Variants in TMEM232 observed in about 807,000 individuals in gnomAD.
TMEM232 encodes transmembrane protein 232.
In TMEM232, 80 loss-of-function variants were observed where a neutral mutation model predicts 78.8. The observed-to-expected ratio is 1.01, with a 90% CI of 0.85 to 1.22. TMEM232 has a LOEUF of 1.22. Ranked by LOEUF, TMEM232 falls within the 50% of genes most tolerant of loss-of-function variation. TMEM232 has a pLI of 0.00. For synonymous variants in TMEM232, 297 were observed against 254.3 expected, an observed-to-expected ratio of 1.17 and a Z score of -1.60; for missense variants, 881 against 742.2, an observed-to-expected ratio of 1.19 and a Z score of -2.17.
intron 12 of TMEM232, among the ~76,000 whole-genome samples, chr5:110,456,225 T>TA (rs1439584171): frequency 6.6e-6 from 1 of 152,174 alleles, no homozygotes; most frequent in Non-Finnish European, 1.5e-5. Flanking sequence ...GGTTTAGTGA[T>TA]AAAAGGCCAG....
chr5:110,431,347 C>T (rs1757818438), intron 12 of TMEM232, among the ~76,000 whole-genome samples: 1 of 151,482 alleles, frequency 6.6e-6, no homozygotes, highest in South Asian at 2.1e-4. Flanking sequence ...AAAATTTACA[C>T]TCTGGCGTTA....
At chr5:110,495,623 C>T (rs993961269) in intron 12 of TMEM232, among the ~76,000 whole-genome samples, 2 of 151,718 alleles carry the variant, frequency 1.3e-5, no homozygotes, top group African/African-American at 4.8e-5. Context: ...TCCAAAAAAA[C>T]TAGACGAGGT....
At chr5:110,537,906 C>A (rs1031777407) in intron 11 of TMEM232, among the ~76,000 whole-genome samples, 3 of 152,132 alleles carry the variant, frequency 2.0e-5, no homozygotes, top group Non-Finnish European at 4.4e-5. Context: ...CCTGTTGCAC[C>A]CCCTTGGAAA....
At chr5:110,693,181 C>A (rs1486054105) in intron 1 of TMEM232, among the ~76,000 whole-genome samples, 1 of 152,156 alleles carries the variant, frequency 6.6e-6, no homozygotes. Flanking sequence ...GCTGCTGACA[C>A]CCAGGCAAAC....
intron 12 of TMEM232, among the ~76,000 whole-genome samples, chr5:110,490,167 A>AAG (rs781449239): frequency 2.2e-5 from 3 of 135,078 alleles, no homozygotes; most frequent in Non-Finnish European, 4.6e-5. Flanking sequence ...GAAAGAAAGA[A>AAG]AGAAAGAAAG....
intron 11 of TMEM232, among the ~76,000 whole-genome samples, chr5:110,563,413 T>G (rs1431040703): frequency 6.6e-6 from 1 of 151,868 alleles, no homozygotes; most frequent in Non-Finnish European, 1.5e-5. Flanking sequence ...AAATGATAAA[T>G]TTGAGTTGAC....
intron 5 of TMEM232, among the ~76,000 whole-genome samples, chr5:110,631,624 C>T (rs546272531): frequency 6.6e-6 from 1 of 152,330 alleles, no homozygotes; most frequent in African/African-American, 2.4e-5. Flanking sequence ...ACCACACTCC[C>T]ACTGGCAGAA....
At chr5:110,685,687 T>C (rs116681478) in intron 1 of TMEM232, among the ~76,000 whole-genome samples, 2,929 of 152,198 alleles carry the variant, frequency 0.019, 84 homozygotes, top group African/African-American at 0.068. Context: ...AAAAGACTTG[T>C]ACAAGAATGC....
intron 12 of TMEM232, among the ~76,000 whole-genome samples, chr5:110,466,242 C>T (rs1177605057): frequency 1.3e-5 from 2 of 152,138 alleles, no homozygotes; most frequent in Non-Finnish European, 2.9e-5. Context: ...TGTAGATTCA[C>T]ATAAACCAAA....
intron 3 of TMEM232, among the ~76,000 whole-genome samples, chr5:110,392,256 A>G (rs1417978940): frequency 6.6e-6 from 1 of 152,190 alleles, no homozygotes; most frequent in Non-Finnish European, 1.5e-5. Flanking sequence ...GGGAGGAAGG[A>G]GAAGAGTGAA....
chr5:110,625,423 G>T lies in TMEM232; in HGVS notation c.612C>A (p.Phe204Leu), dbSNP rs1438403328. 3.3e-6 allele frequency: 5 copies of T among 1,520,242 alleles called. No individual in the cohort carries two copies. The East Asian group carries it at 1.0e-4, about 30-fold the overall frequency. The allele number at this position is 1,520,242 out of a possible 1,614,324, so 94.2% of individuals were successfully genotyped here. Residue 204 changes from phenylalanine (F) to leucine (L), a missense_variant, in exon 7 of 14, where the codon TTC (phenylalanine) becomes TTA (leucine). Coordinates refer to ENST00000455884, the MANE Select transcript of TMEM232 (RefSeq NM_001039763.4). ...GATACTTGTGATATGATGCTCCAGA[G>T]AAAGAAAGTGCTATTGTAAGAAAAA... ...RLQPYLYALSFSGASYHKYPN... is the reference protein window; with the variant it reads ...RLQPYLYALSLSGASYHKYPN...
chr5:110,403,064 C>T (rs957480289), intron 2 of TMEM232, among the ~76,000 whole-genome samples: 1 of 151,986 alleles, frequency 6.6e-6, no homozygotes, highest in Non-Finnish European at 1.5e-5. Context: ...CACTTTGTAC[C>T]TTTGACACAT....
downstream of TMEM232, among the ~76,000 whole-genome samples, chr5:110,418,742 TAA>T (rs1021319199): frequency 6.6e-6 from 1 of 152,082 alleles, no homozygotes; most frequent in African/African-American, 2.4e-5. Context: ...AACATAAACC[TAA>T]GTCTGCAGTG....
rs77570283 is a variant in TMEM232, at chr5:110,519,839, G to A, written c.1703+8749C>T. On this transcript the variant is annotated intron_variant, in intron 12 of 13. Transcript: ENST00000455884. ...TTGCAACAACATGGAGGGAACCGGA[G>A]GATATTATGTTAAATTAAATAAGCC... Among the ~76,000 whole-genome samples, 973 of 149,942 alleles carry A rather than the reference G, an allele frequency of 6.5e-3. 10 individuals are homozygous for A. Among genetic ancestry groups the A allele is most frequent in the African/African-American group, 0.022 (920 of 41,046 alleles).
intron 12 of TMEM232, among the ~76,000 whole-genome samples, chr5:110,523,758 C>T (rs1203710999): frequency 1.3e-5 from 2 of 151,784 alleles, no homozygotes; most frequent in Non-Finnish European, 2.9e-5. Context: ...TTTGAGACTA[C>T]CCTGGGCAAT....
At chr5:110,668,972 T>C (rs1001599400) in intron 1 of TMEM232, among the ~76,000 whole-genome samples, 10 of 152,202 alleles carry the variant, frequency 6.6e-5, no homozygotes, top group South Asian at 2.1e-4. Context: ...GGGACACATT[T>C]AAAGCAGTGT....
intron 1 of TMEM232, among the ~76,000 whole-genome samples, chr5:110,690,787 T>C (rs1414851069): frequency 1.3e-5 from 2 of 152,158 alleles, no homozygotes; most frequent in East Asian, 1.9e-4. Context: ...TGGAATACTA[T>C]GCAGCCATTA....
intron 8 of TMEM232, among the ~76,000 whole-genome samples, chr5:110,611,119 A>G (rs1782220871): frequency 6.6e-6 from 1 of 152,184 alleles, no homozygotes. Flanking sequence ...AGGAGAAGAC[A>G]GAACATCTGA....
chr5:110,506,749 G>T (rs987292349), intron 12 of TMEM232, among the ~76,000 whole-genome samples: 1 of 152,182 alleles, frequency 6.6e-6, no homozygotes, highest in Non-Finnish European at 1.5e-5. Context: ...GAAACCCATT[G>T]AGTCAGGGTT....
Sources: gnomAD v4.1 joint callset for allele counts (sites outside exome capture counted in the v4.1 genomes callset) on GRCh38, gnomAD v4.1.1 for gene constraint, MANE v1.5 for transcripts, NCBI Gene and HGNC (gene_info 2026-07-23, HGNC 2026-07-21) for gene names.